Variants in MTUS2 observed in about 807,000 individuals in gnomAD.
MTUS2 encodes the protein microtubule-associated tumor suppressor candidate 2.
A neutral mutation model predicts 114.1 loss-of-function variants in MTUS2; 40 were observed. The ratio of observed to expected loss-of-function variants is 0.35; its 90% CI spans 0.27 to 0.46. The LOEUF is 0.46. Among genes scored for constraint, MTUS2 ranks in the 20% least tolerant of loss-of-function variants. MTUS2 has a pLI of 1.00. For missense variants in MTUS2, 1,679 were observed against 1,705.4 expected, an observed-to-expected ratio of 0.98 and a Z score of 0.27; for synonymous variants, 688 against 672.0, an observed-to-expected ratio of 1.02 and a Z score of -0.37.
rs973153352 is a variant in MTUS2, at chr13:28,985,756, A to G, written c.-242-38701A>G. On this transcript the variant is annotated intron_variant, in intron 2 of 15. Coordinates refer to ENST00000612955, the MANE Select transcript of MTUS2 (RefSeq NM_001033602.4). ...ATTTTTGGATGAGATTAACATTTAA[A>G]TTGAAGGATTTTGGGTAAAGCAGAT... Among the ~76,000 whole-genome samples the G allele has an allele frequency of 1.5e-4, 23 of 152,184 alleles. 1 individual carries two copies. Among genetic ancestry groups the G allele is most frequent in the African/African-American group, 3.9e-4 (16 of 41,448 alleles).
intron 2 of MTUS2, among the ~76,000 whole-genome samples, chr13:29,012,327 C>T (rs573285224): frequency 2.0e-5 from 3 of 152,224 alleles, no homozygotes; most frequent in South Asian, 2.1e-4. Context: ...ATCAGCTGCC[C>T]TCCCTGGAAT....
intron 6 of MTUS2, among the ~76,000 whole-genome samples, chr13:29,315,730 G>T (rs149705154): frequency 5.8e-4 from 88 of 152,282 alleles, no homozygotes; most frequent in African/African-American, 2.0e-3. Flanking sequence ...GGTAGTAGAA[G>T]TAAAGGAATC....
chr13:29,183,159 C>T (rs146872271), intron 5 of MTUS2, among the ~76,000 whole-genome samples: 32 of 152,220 alleles, frequency 2.1e-4, no homozygotes, highest in South Asian at 4.2e-4. Context: ...AATTGTACCA[C>T]GGAAGGTGCA....
At chr13:29,461,707 A>G (rs1476464638) in intron 9 of MTUS2, among the ~76,000 whole-genome samples, 5 of 152,248 alleles carry the variant, frequency 3.3e-5, no homozygotes, top group East Asian at 3.8e-4. Context: ...CAGATATTCT[A>G]CCAGTGAGAA....
intron 1 of MTUS2, among the ~76,000 whole-genome samples, chr13:28,836,614 G>C (rs184783821): frequency 6.6e-6 from 1 of 152,278 alleles, no homozygotes; most frequent in African/African-American, 2.4e-5. Flanking sequence ...TAGTGGTCAG[G>C]AAGGGCTTTG....
chr13:29,040,051 G>A (rs1341565320), intron 4 of MTUS2, among the ~76,000 whole-genome samples: 2 of 152,072 alleles, frequency 1.3e-5, no homozygotes, highest in African/African-American at 4.8e-5. Context: ...GATTTCTGAG[G>A]TCTTGGTGCA....
At chr13:29,232,296 ACGCG>A (rs60135574) in intron 5 of MTUS2, among the ~76,000 whole-genome samples, 26 of 148,658 alleles carry the variant, frequency 1.7e-4, no homozygotes, top group African/African-American at 6.4e-4. Flanking sequence ...ACACACACAC[ACGCG>A]CGCGCGCACA....
intron 5 of MTUS2, among the ~76,000 whole-genome samples, chr13:29,121,123 G>T (rs1232439354): frequency 6.6e-6 from 1 of 152,076 alleles, no homozygotes. Flanking sequence ...TAACAATATA[G>T]ACATTTTATG....
intron 2 of MTUS2, among the ~76,000 whole-genome samples, chr13:28,865,246 C>G (rs1374110505): frequency 3.3e-5 from 5 of 152,152 alleles, no homozygotes; most frequent in African/African-American, 4.8e-5. Context: ...TTCTGTGTCT[C>G]TAATAAGCAC....
At chr13:29,231,647 A>C (rs1280003315) in intron 5 of MTUS2, among the ~76,000 whole-genome samples, 1 of 152,208 alleles carries the variant, frequency 6.6e-6, no homozygotes, top group Non-Finnish European at 1.5e-5. Context: ...AAAAGGCTTC[A>C]TGTTCAGCAG....
chr13:29,058,853 C>T (rs2138636061), intron 4 of MTUS2, among the ~76,000 whole-genome samples: 1 of 152,066 alleles, frequency 6.6e-6, no homozygotes, highest in South Asian at 2.1e-4. Flanking sequence ...GTTGATTCTG[C>T]TGTTAATACT....
At chr13:29,206,459 T>C (rs1470735586) in intron 5 of MTUS2, among the ~76,000 whole-genome samples, 1 of 152,154 alleles carries the variant, frequency 6.6e-6, no homozygotes, top group East Asian at 1.9e-4. Flanking sequence ...TGCTTTTGGG[T>C]TCGTAGTCAT....
chr13:29,313,388 A>T (rs902570563), intron 6 of MTUS2, among the ~76,000 whole-genome samples: 2 of 152,232 alleles, frequency 1.3e-5, no homozygotes, highest in African/African-American at 4.8e-5. Context: ...GCAAAAAAGC[A>T]CATTTACCAA....
chr13:28,926,320 C>T (rs183381863), intron 2 of MTUS2, among the ~76,000 whole-genome samples: 4 of 152,134 alleles, frequency 2.6e-5, no homozygotes, highest in African/African-American at 7.2e-5. Context: ...GAAATTAAAG[C>T]GCTGACAAAT....
intron 5 of MTUS2, among the ~76,000 whole-genome samples, chr13:29,177,513 A>T (rs17072884): frequency 0.047 from 7,087 of 151,890 alleles, 934 homozygotes; most frequent in African/African-American, 0.16. Flanking sequence ...AAACTTCCCT[A>T]ATTGATCTCA....
At chr13:28,831,047 A>G (rs1367905041) in intron 1 of MTUS2, among the ~76,000 whole-genome samples, 2 of 152,228 alleles carry the variant, frequency 1.3e-5, no homozygotes, top group African/African-American at 2.4e-5. Flanking sequence ...TAACTAAAGG[A>G]CACAAGTCAG....
chr13:28,910,467 G>T (rs192314182), intron 2 of MTUS2, among the ~76,000 whole-genome samples: 1 of 152,078 alleles, frequency 6.6e-6, no homozygotes, highest in Admixed American at 6.6e-5. Context: ...GGTTTGCCGC[G>T]TAGATCAACC....
intron 5 of MTUS2, among the ~76,000 whole-genome samples, chr13:29,187,080 A>G (rs1405054541): frequency 6.6e-6 from 1 of 152,166 alleles, no homozygotes; most frequent in Admixed American, 6.5e-5. Flanking sequence ...TGAAAACACA[A>G]CATACTAAAA....
intron 4 of MTUS2, among the ~76,000 whole-genome samples, chr13:29,051,061 AC>A (rs1455372703): frequency 3.3e-5 from 5 of 152,240 alleles, no homozygotes; most frequent in Non-Finnish European, 7.3e-5. Context: ...TTATGTTTTT[AC>A]AAAGATTATC....
Sources: gnomAD v4.1 joint callset for allele counts (sites outside exome capture counted in the v4.1 genomes callset) on GRCh38, gnomAD v4.1.1 for gene constraint, MANE v1.5 for transcripts, NCBI Gene and HGNC (gene_info 2026-07-23, HGNC 2026-07-21) for gene names.